SBNO1: variants seen among roughly 807,000 people sequenced by gnomAD.
SBNO1 encodes protein strawberry notch homolog 1.
In SBNO1, 23 loss-of-function variants were observed where a neutral mutation model predicts 173.6. The ratio of observed to expected loss-of-function variants is 0.13; its 90% CI spans 0.10 to 0.19. The LOEUF (loss-of-function observed/expected upper bound fraction) is 0.19, where lower values mean the gene tolerates loss of function less well. Ranked by LOEUF, SBNO1 falls within the 10% of genes least tolerant of loss-of-function variation. SBNO1 has a pLI of 1.00. For synonymous variants in SBNO1, 632 were observed against 571.5 expected (o/e 1.11, Z -1.51); for missense variants, 1,238 against 1,671.2 (o/e 0.74, Z 4.52).
At chr12:123,301,978 T>C (rs1383143674) in intron 30 of SBNO1, among the ~76,000 whole-genome samples, 1 of 152,026 alleles carries the variant, frequency 6.6e-6, no homozygotes, top group Non-Finnish European at 1.5e-5. Context: ...TTTGCTCTTG[T>C]TGCCCAGGCT....
At chr12:123,364,631 G>GAGA (rs62750161) in intron 1 of SBNO1, 70 bp downstream of exon 1, 8 of 832,352 alleles carry the variant, frequency 9.6e-6, no homozygotes, top group Non-Finnish European at 1.1e-5. Flanking sequence ...ACGGCCCCCC[G>GAGA]AGGGTGGGAG....
chr12:123,358,520 G>A (rs930398925), intron 1 of SBNO1, among the ~76,000 whole-genome samples: 6 of 151,898 alleles, frequency 4.0e-5, no homozygotes, highest in South Asian at 2.1e-4. Context: ...TTGGGAGGCC[G>A]AGGCAGGTGG....
Position 123,350,406 on chromosome 12 carries a change from A to G in SBNO1, c.36T>C (p.Ala12=), listed in dbSNP as rs1407212663. ...VEPGQDLLLA[A]LSESGISPND... ...TCGGACTAATTCCACTCTCACTCAAAGCAGCAAGCAGTAAATCTTGCCCTG... is the reference window on the plus strand; with the variant it reads ...TCGGACTAATTCCACTCTCACTCAAGGCAGCAAGCAGTAAATCTTGCCCTG... Residue 12 remains alanine, a synonymous_variant, in exon 2 of 32, where the codon GCT becomes GCC. Coordinates refer to ENST00000602398, the MANE Select transcript of SBNO1 (RefSeq NM_001167856.3). 6.2e-7 allele frequency: 1 copy of G among 1,614,150 alleles called. No individual in the cohort carries two copies. Among genetic ancestry groups the G allele is most frequent in the Non-Finnish European group, 8.5e-7 (1 of 1,179,996 alleles).
rs992757196 is a variant in SBNO1, at chr12:123,292,611, G to A, written c.*3297C>T. ...CTGTAAAATATCATATTCCTCTGGA[G>A]CTTGGTAATATAGAAATTTTACCTC... On this transcript the variant is annotated 3_prime_UTR_variant, in exon 32 of 32. Transcript: ENST00000602398. 2 of 152,118 alleles carry A rather than the reference G, an allele frequency of 1.3e-5. No homozygotes were observed. The highest frequency in any genetic ancestry group is 2.9e-5 in the Non-Finnish European group (2 of 68,018). 9.4% of individuals were successfully genotyped at this position (152,118 alleles called of 1,614,324 possible).
intron 28 of SBNO1, among the ~76,000 whole-genome samples, chr12:123,307,854 C>T (rs1342958107): frequency 6.6e-6 from 1 of 151,742 alleles, no homozygotes; most frequent in Non-Finnish European, 1.5e-5. Flanking sequence ...GGCGGATCAC[C>T]TGAGGTCAGG....
At chr12:123,357,089 A>T (rs1235481845) in intron 1 of SBNO1, among the ~76,000 whole-genome samples, 1 of 151,916 alleles carries the variant, frequency 6.6e-6, no homozygotes, top group African/African-American at 2.4e-5. Flanking sequence ...ACACTTAAGA[A>T]CATCAGGAGA....
intron 1 of SBNO1, chr12:123,364,349 G>C (rs28397122): frequency 1.0e-6 from 1 of 985,050 alleles, no homozygotes; most frequent in Non-Finnish European, 1.2e-6. Context: ...GAAGCCAAAG[G>C]GGCGAACCCA....
At chr12:123,319,185 T>C (rs779361564) in intron 20 of SBNO1, among the ~76,000 whole-genome samples, 1 of 152,034 alleles carries the variant, frequency 6.6e-6, no homozygotes, top group Non-Finnish European at 1.5e-5. Context: ...CAGCCTGGTC[T>C]TGAACTCCTG....
At chr12:123,332,486 T>C (rs1871333446) in intron 7 of SBNO1, among the ~76,000 whole-genome samples, 1 of 152,074 alleles carries the variant, frequency 6.6e-6, no homozygotes, top group Non-Finnish European at 1.5e-5. Flanking sequence ...GAGACAGGGT[T>C]TCACCATGTT....
At chr12:123,337,728 T>G (rs1872020625) in intron 5 of SBNO1, among the ~76,000 whole-genome samples, 1 of 152,154 alleles carries the variant, frequency 6.6e-6, no homozygotes, top group African/African-American at 2.4e-5. Context: ...CTGCTGTTAT[T>G]TAATTGTGTA....
intron 19 of SBNO1, 138 bp from the exon 20 acceptor site, chr12:123,320,169 C>T: frequency 9.9e-7 from 1 of 1,012,778 alleles, no homozygotes; most frequent in Non-Finnish European, 1.4e-6. Flanking sequence ...CAGAACACTG[C>T]AACAGAGTCC....
chr12:123,305,563 C>T (rs2048893223), intron 28 of SBNO1, among the ~76,000 whole-genome samples: 1 of 152,068 alleles, frequency 6.6e-6, no homozygotes, highest in Admixed American at 6.6e-5. Context: ...AGCTCCGCCT[C>T]CCAGGTTCAA....
chr12:123,359,875 T>A (rs1031124392), intron 1 of SBNO1, among the ~76,000 whole-genome samples: 5 of 152,150 alleles, frequency 3.3e-5, no homozygotes, highest in Non-Finnish European at 7.3e-5. Flanking sequence ...CAAAGACAAC[T>A]GCAAAAACTT....
chr12:123,330,528 G>C lies in SBNO1; in HGVS notation c.1044-19C>G. ...ACTAAACCTGCCAAAATATTAAAAA[G>C]CACAAATTAAATACAAATTATATCA... On this transcript the variant is annotated intron_variant, in intron 8 of 31. Transcript: ENST00000602398. 2 of 1,308,044 alleles carry C rather than the reference G, an allele frequency of 1.5e-6. No homozygotes were observed. The highest frequency in any genetic ancestry group is 1.0e-6 in the Non-Finnish European group (1 of 952,668). The allele number at this position is 1,308,044 out of a possible 1,614,324, so 81.0% of individuals were successfully genotyped here.
intron 21 of SBNO1, among the ~76,000 whole-genome samples, chr12:123,316,206 A>T (rs1438100506): frequency 6.6e-6 from 1 of 152,174 alleles, no homozygotes; most frequent in Non-Finnish European, 1.5e-5. Flanking sequence ...AGATTTCGAG[A>T]TAAGATATAA....
In SBNO1 at chr12:123,327,761, C is replaced by A. The variant is rs1174426376; in HGVS notation, c.1484G>T (p.Gly495Val). The change falls in exon 12 of 32, where the codon GGT (glycine) becomes GTT (valine). Residue 495 changes from glycine (G) to valine (V), a missense_variant. Physicochemically the swap from Gly to Val is moderately radical, Grantham distance 109. This residue lies in a region of SBNO1 where 182 missense variants were observed against 339.9 expected (regional missense o/e 0.54). Transcript: ENST00000602398. The stretch of plus-strand genomic sequence containing the variant: ...GAATTCTCTAAATGGAGTACCCTCA[C>A]CCCATATGCCAAGACGGTTCATATA... Reference protein sequence around the residue: ...MAYMNRLGIWGEGTPFREFSD... With the variant: ...MAYMNRLGIWVEGTPFREFSD... 2 of 1,613,794 alleles carry A rather than the reference C, an allele frequency of 1.2e-6. No homozygotes were observed. The highest frequency in any genetic ancestry group is 1.7e-6 in the Non-Finnish European group (2 of 1,179,982).
At chr12:123,336,979 G>A (rs1227750325) in intron 5 of SBNO1, among the ~76,000 whole-genome samples, 2 of 152,138 alleles carry the variant, frequency 1.3e-5, no homozygotes, top group Non-Finnish European at 2.9e-5. Context: ...CTTCTTCTCA[G>A]TTCACTTCTA....
intron 28 of SBNO1, among the ~76,000 whole-genome samples, 172 bp downstream of exon 28, chr12:123,309,138 C>A (rs529794002): frequency 6.6e-5 from 10 of 152,192 alleles, no homozygotes; most frequent in African/African-American, 2.4e-4. Context: ...CTTTAAAATG[C>A]ATTAAGTAAA....
intron 1 of SBNO1, among the ~76,000 whole-genome samples, chr12:123,353,947 C>A (rs1048505637): frequency 6.6e-6 from 1 of 152,176 alleles, no homozygotes; most frequent in Admixed American, 6.5e-5. Flanking sequence ...GCCACAGGAT[C>A]CATCAGTCCA....
Sources: allele counts gnomAD v4.1 joint callset (sites outside exome capture counted in the v4.1 genomes callset), GRCh38; gene constraint gnomAD v4.1.1; regional missense constraint gnomAD v4.1.1; transcripts MANE v1.5; gene names NCBI Gene and HGNC (gene_info 2026-07-23, HGNC 2026-07-21).